The following EHHADH variants were observed in gnomAD, a reference collection of about 807,000 sequenced individuals.
EHHADH encodes the protein peroxisomal bifunctional enzyme.
EHHADH carries 48 observed loss-of-function variants against 64.4 expected under a neutral mutation model. The ratio of observed to expected loss-of-function variants is 0.75; its 90% CI spans 0.59 to 0.95. The LOEUF is 0.95. Among genes scored for constraint, EHHADH ranks in the 40% least tolerant of loss-of-function variants. EHHADH has a pLI of 0.00. For missense variants in EHHADH, 854 were observed against 876.6 expected (o/e 0.97, Z 0.33); for synonymous variants, 308 against 326.7 (o/e 0.94, Z 0.62).
intron 2 of EHHADH, chr3:185,245,387 T>C: frequency 4.0e-6 from 2 of 497,422 alleles, no homozygotes; most frequent in Non-Finnish European, 6.9e-6. Flanking sequence ...AATACAATGG[T>C]ATATCCACTC....
intron 4 of EHHADH, among the ~76,000 whole-genome samples, chr3:185,224,456 G>A (rs1358609700): frequency 1.4e-5 from 2 of 142,466 alleles, no homozygotes; most frequent in East Asian, 2.1e-4. Flanking sequence ...AGCTGAGATC[G>A]TGCCACTGTA....
intron 6 of EHHADH, among the ~76,000 whole-genome samples, chr3:185,197,835 C>T (rs937452451): frequency 1.3e-5 from 2 of 152,138 alleles, no homozygotes; most frequent in African/African-American, 4.8e-5. Context: ...CTCTCTCTGT[C>T]ACCCAGACTG....
intron 1 of EHHADH, among the ~76,000 whole-genome samples, chr3:185,251,104 TC>T (rs1200089183): frequency 6.6e-6 from 1 of 152,258 alleles, no homozygotes; most frequent in Non-Finnish European, 1.5e-5. Context: ...AATTATTTTC[TC>T]CTGTTAATAC....
At chr3:185,205,458 T>C (rs1718361554) in intron 5 of EHHADH, among the ~76,000 whole-genome samples, 1 of 152,202 alleles carries the variant, frequency 6.6e-6, no homozygotes, top group Non-Finnish European at 1.5e-5. Flanking sequence ...CAGCGTGGTA[T>C]TGATGCAAGG....
In EHHADH at chr3:185,227,155, A is replaced by G. The variant is rs553529860; in HGVS notation, c.463+2277T>C. Among the ~76,000 whole-genome samples, 17 of 152,334 alleles carry G rather than the reference A, an allele frequency of 1.1e-4. No individual in the cohort carries two copies. The East Asian group carries it at 3.3e-3, about 29-fold the overall frequency. Reference sequence around the variant, plus strand: ...GTGCTCTTTTTATGGCCTGTTCTTCAGCATATAGTCTAATACCAAGATCTT... The same window carrying G: ...GTGCTCTTTTTATGGCCTGTTCTTCGGCATATAGTCTAATACCAAGATCTT... On this transcript the variant is annotated intron_variant, in intron 4 of 6. Transcript: ENST00000231887.
chr3:185,241,880 T>C (rs545063467), intron 2 of EHHADH, among the ~76,000 whole-genome samples: 237 of 152,344 alleles, frequency 1.6e-3, no homozygotes, highest in Non-Finnish European at 2.6e-3. Context: ...CCTAAGCCAA[T>C]GTCTAGAAGG....
intron 4 of EHHADH, among the ~76,000 whole-genome samples, chr3:185,228,233 C>CAAAA (rs559959272): frequency 3.2e-4 from 4 of 12,680 alleles, no homozygotes; most frequent in Admixed American, 1.8e-3. Flanking sequence ...GACTCCGTCT[C>CAAAA]AAAAAAAAAA....
At chr3:185,199,995 G>A (rs745738549) in intron 6 of EHHADH, among the ~76,000 whole-genome samples, 3 of 152,152 alleles carry the variant, frequency 2.0e-5, no homozygotes, top group Non-Finnish European at 2.9e-5. Context: ...TTTACCATCC[G>A]GAACTTTACA....
At position 185,230,322 on chromosome 3, in the gene EHHADH, A is replaced by G. The variant is rs545802603; in HGVS notation, c.352-779T>C. ...ACCCATCAAATCCATTCCTGGGTAT[A>G]TACCCAAGAGAAATGAAAACATATG... On this transcript the variant is annotated intron_variant, in intron 3 of 6. Transcript: ENST00000231887. Among the ~76,000 whole-genome samples the G allele has an allele frequency of 2.0e-5, 3 of 152,358 alleles. No homozygotes were observed. In the East Asian group the frequency reaches 5.8e-4, roughly 29 times the overall value.
chr3:185,252,288 T>C (rs891099386), intron 1 of EHHADH, among the ~76,000 whole-genome samples: 2 of 152,032 alleles, frequency 1.3e-5, no homozygotes, highest in Non-Finnish European at 2.9e-5. Context: ...TAGTCCCAGC[T>C]ACTCGGGAGG....
intron 2 of EHHADH, among the ~76,000 whole-genome samples, chr3:185,239,398 A>G (rs1413091095): frequency 2.0e-5 from 3 of 152,114 alleles, no homozygotes; most frequent in Non-Finnish European, 4.4e-5. Flanking sequence ...AACAATATTG[A>G]TTCTTTCAAT....
At chr3:185,241,613 T>C (rs975950727) in intron 2 of EHHADH, among the ~76,000 whole-genome samples, 2 of 152,230 alleles carry the variant, frequency 1.3e-5, no homozygotes, top group African/African-American at 4.8e-5. Flanking sequence ...TTGAGAATTG[T>C]CTATTCATGT....
At chr3:185,195,596 C>T (rs555602023) in intron 6 of EHHADH, among the ~76,000 whole-genome samples, 1 of 152,190 alleles carries the variant, frequency 6.6e-6, no homozygotes, top group Admixed American at 6.5e-5. Context: ...CAAATGCAGC[C>T]ATAAAAAAGA....
chr3:185,206,825 C>T (rs1358182456), intron 5 of EHHADH, among the ~76,000 whole-genome samples: 1 of 148,674 alleles, frequency 6.7e-6, no homozygotes, highest in African/African-American at 2.5e-5. Flanking sequence ...GAGACTCTGT[C>T]TCCAAAAAAA....
At chr3:185,220,617 G>T (rs1718808184) in intron 4 of EHHADH, among the ~76,000 whole-genome samples, 1 of 152,164 alleles carries the variant, frequency 6.6e-6, no homozygotes, top group South Asian at 2.1e-4. Context: ...CTTTTATCCT[G>T]TATCAAAGAA....
intron 1 of EHHADH, among the ~76,000 whole-genome samples, chr3:185,253,471 A>G (rs1719804370): frequency 6.7e-6 from 1 of 149,830 alleles, no homozygotes; most frequent in Non-Finnish European, 1.5e-5. Flanking sequence ...CTAATATTAA[A>G]TGACGAGTTA....
intron 6 of EHHADH, among the ~76,000 whole-genome samples, chr3:185,194,850 A>G (rs114283862): frequency 0.025 from 3,641 of 146,084 alleles, 65 homozygotes; most frequent in Middle Eastern, 0.046. Flanking sequence ...TATTTAAGAC[A>G]GTGTAAGATA....
intron 2 of EHHADH, 37 bp from the exon 3 acceptor site, chr3:185,235,499 A>C: frequency 6.4e-7 from 1 of 1,553,396 alleles, no homozygotes; most frequent in Non-Finnish European, 8.7e-7. Context: ...CAGAGTTGAG[A>C]AATACATGGG....
At chr3:185,203,221 T>G (rs1038806694) in intron 6 of EHHADH, among the ~76,000 whole-genome samples, 1 of 152,076 alleles carries the variant, frequency 6.6e-6, no homozygotes, top group Non-Finnish European at 1.5e-5. Context: ...TACACATAAG[T>G]CTGTAACTTT....
Sources: gnomAD v4.1 joint callset for allele counts (sites outside exome capture counted in the v4.1 genomes callset) on GRCh38, gnomAD v4.1.1 for gene constraint, MANE v1.5 for transcripts, NCBI Gene and HGNC (gene_info 2026-07-23, HGNC 2026-07-21) for gene names.